PLEKHG5: variants seen among roughly 807,000 people sequenced by gnomAD.
PLEKHG5 encodes pleckstrin homology and RhoGEF domain containing G5.
A neutral mutation model predicts 103.8 loss-of-function variants in PLEKHG5; 52 were observed. The observed-to-expected ratio is 0.50, with a 90% CI of 0.40 to 0.63. The LOEUF is 0.63. PLEKHG5 is among the 30% of genes least tolerant of loss of function. The probability of loss-of-function intolerance (pLI) is 0.00; values close to 1 mark genes in which losing one functional copy is unlikely to be tolerated. For synonymous variants in PLEKHG5, 592 were observed against 575.5 expected, an observed-to-expected ratio of 1.03 and a Z score of -0.41; for missense variants, 1,205 against 1,347.6, an observed-to-expected ratio of 0.89 and a Z score of 1.66.
chr1:6,470,555 C>T lies in PLEKHG5; in HGVS notation c.1631G>A (p.Arg544His), dbSNP rs1255980713. The change falls in exon 15 of 21, where the codon CGC (arginine) becomes CAC (histidine). Residue 544 changes from arginine (R) to histidine (H), a missense_variant. Coordinates refer to ENST00000377728, the MANE Select transcript of PLEKHG5 (RefSeq NM_020631.6). The part of the protein sequence containing the change: ...ERQRLAAVVS[R>H]IDAYEVVESS... ...TTCCACCACCTCGTAGGCGTCGATG[C>T]GGCTCACCACGGCCGCCAGCCGCTG... is the stretch of plus-strand genomic sequence containing the variant. The T allele has an allele frequency of 1.3e-6, 2 of 1,596,872 alleles. No individual in the cohort carries two copies. The highest frequency in any genetic ancestry group is 1.7e-6 in the Non-Finnish European group (2 of 1,177,068).
chr1:6,502,667 T>C (rs1047634197), intron 1 of PLEKHG5, among the ~76,000 whole-genome samples: 1 of 152,174 alleles, frequency 6.6e-6, no homozygotes, highest in African/African-American at 2.4e-5. Context: ...GGAGCGGGGC[T>C]GCAGAAATAG....
chr1:6,504,525 A>G (rs4495729), intron 1 of PLEKHG5, among the ~76,000 whole-genome samples: 3,368 of 151,158 alleles, frequency 0.022, 131 homozygotes, highest in African/African-American at 0.077. Context: ...CCCACCCGGC[A>G]TCGTCCTCTC....
chr1:6,485,946 T>C, intron 1 of PLEKHG5: 1 of 982,308 alleles, frequency 1.0e-6, no homozygotes, highest in Admixed American at 6.1e-5. Context: ...GGGGAGCTCC[T>C]TGAATGCTGG....
chr1:6,470,995 T>C lies in PLEKHG5; in HGVS notation c.1387A>G (p.Ile463Val), dbSNP rs1355559446. The C allele has an allele frequency of 6.2e-7, 1 of 1,601,896 alleles. No homozygotes were observed. Among genetic ancestry groups the C allele is most frequent in the Admixed American group, 1.7e-5 (1 of 59,066 alleles). Reference sequence around the variant, plus strand: ...CACGGCACGCGCGCCCTCACCGTGATGTAGGCCCGGAAGAGGTCGTTGTCG... The same window carrying C: ...CACGGCACGCGCGCCCTCACCGTGACGTAGGCCCGGAAGAGGTCGTTGTCG... ...LRDNDLFRAY[I>V]TWAEKHPQCQ... The change falls in exon 13 of 21, where the codon ATC (isoleucine) becomes GTC (valine). Residue 463 changes from isoleucine (I) to valine (V), a missense_variant. Coordinates refer to ENST00000377728, the MANE Select transcript of PLEKHG5 (RefSeq NM_020631.6).
intron 1 of PLEKHG5, among the ~76,000 whole-genome samples, chr1:6,480,519 C>T (rs1644872053): frequency 7.0e-6 from 1 of 143,574 alleles, no homozygotes; most frequent in Admixed American, 6.8e-5. Flanking sequence ...CAGAGCGAGA[C>T]TTTGTCTCCA....
intron 1 of PLEKHG5, chr1:6,485,986 C>CCCA (rs58406886): frequency 2.5e-6 from 2 of 795,540 alleles, no homozygotes; most frequent in African/African-American, 3.8e-5. Flanking sequence ...CACCCCCCCC[C>CCCA]ACCTTGGAGA....
chr1:6,468,090 T>G lies in PLEKHG5; in HGVS notation c.2746A>C (p.Thr916Pro), dbSNP rs187886272. 354 of 1,584,116 alleles carry G rather than the reference T, an allele frequency of 2.2e-4. No individual in the cohort carries two copies. The highest frequency in any genetic ancestry group is 6.8e-4 in the Middle Eastern group (4 of 5,848). ...CLAVPAPGIR[T>P]QGSPQEAGPS... ...CCAGCTTCCTGAGGGGAGCCCTGAG[T>G]CCTAATACCTGGGGCTGGAACAGCC... Residue 916 changes from threonine (T) to proline (P), a missense_variant, in exon 20 of 21, where the codon ACT becomes CCT. Coordinates refer to ENST00000377728, the MANE Select transcript of PLEKHG5 (RefSeq NM_020631.6).
chr1:6,485,475 C>G, intron 1 of PLEKHG5: 3 of 1,245,720 alleles, frequency 2.4e-6, no homozygotes, highest in Non-Finnish European at 3.0e-6. Flanking sequence ...TCTGCGCCGC[C>G]CGCCGGACAA....
chr1:6,470,300 G>A lies in PLEKHG5; in HGVS notation c.1736C>T (p.Pro579Leu), dbSNP rs757727499. Residue 579 changes from proline to leucine, a missense_variant, in exon 16 of 21, where the codon CCG (proline) becomes CTG (leucine). Transcript: ENST00000377728. ...CAGCAGCAGCTGCCGCGTCTCCTCC[G>A]GGGAGGCGCCAGGGATGGGCGCTGT... Reference protein sequence around the residue: ...DLTAPIPGASPEETRQLLLEG... With the variant: ...DLTAPIPGASLEETRQLLLEG... The A allele has an allele frequency of 6.8e-6, 11 of 1,613,854 alleles. No homozygotes were observed. Among genetic ancestry groups the A allele is most frequent in the Admixed American group, 3.3e-5 (2 of 60,000 alleles).
intron 6 of PLEKHG5, 70 bp from the exon 7 acceptor site, chr1:6,474,234 T>A: frequency 6.4e-7 from 1 of 1,561,014 alleles, no homozygotes. Flanking sequence ...CGGTCCTCTC[T>A]CCCCGGAGGA....
rs772521292 is a variant in PLEKHG5 at position 6,505,543 on chromosome 1, C to T, written c.-164-8974G>A. Among the ~76,000 whole-genome samples, 4 of 152,184 alleles carry T rather than the reference C, an allele frequency of 2.6e-5. No homozygotes were observed. Among genetic ancestry groups the T allele is most frequent in the African/African-American group, 7.2e-5 (3 of 41,444 alleles). On this transcript the variant is annotated intron_variant, in intron 1 of 21. Transcript: ENST00000377740. The surrounding 1 kb of genome is among the most constrained non-coding windows in gnomAD (Gnocchi z 4.2). ...CACAAGCCACGGGGCTCAGCGTCCC[C>T]GAGAGCTCATCCTGCCTCTTCAGGG...
At chr1:6,503,696 C>T (rs1645320802) in intron 1 of PLEKHG5, among the ~76,000 whole-genome samples, 1 of 152,184 alleles carries the variant, frequency 6.6e-6, no homozygotes, top group Non-Finnish European at 1.5e-5. Context: ...AGGCATAAGC[C>T]ACCGTGCCCG....
chr1:6,481,446 G>A (rs908212542), intron 1 of PLEKHG5, among the ~76,000 whole-genome samples: 7 of 151,954 alleles, frequency 4.6e-5, no homozygotes, highest in South Asian at 2.1e-4. Context: ...CAGGAGAATC[G>A]CTTGAATACG....
intron 1 of PLEKHG5, 86 bp from the exon 2 acceptor site, chr1:6,477,744 GAACTGCC>G: frequency 7.1e-7 from 1 of 1,401,012 alleles, no homozygotes; most frequent in Non-Finnish European, 9.6e-7. Flanking sequence ...GACTTAGAAT[GAACTGCC>G]CTCCATCTCT....
chr1:6,504,283 C>T (rs185577935), intron 1 of PLEKHG5, among the ~76,000 whole-genome samples: 148 of 152,300 alleles, frequency 9.7e-4, no homozygotes, highest in African/African-American at 3.2e-3. Context: ...CACTCCTCCT[C>T]ACCCCACCCC....
In PLEKHG5 at chr1:6,468,401, G is replaced by A. The variant is rs145009237; in HGVS notation, c.2435C>T (p.Ser812Phe). The A allele has an allele frequency of 6.8e-6, 11 of 1,611,326 alleles. No individual in the cohort carries two copies. The highest frequency in any genetic ancestry group is 2.2e-5 in the South Asian group (2 of 90,842). Residue 812 changes from serine to phenylalanine, a missense_variant, in exon 20 of 21, where the codon TCC becomes TTC. Ser to Phe is a radical substitution (Grantham distance 155, BLOSUM62 -2). Transcript: ENST00000377728. ...LLPLGPVDGR[S>F]CSMDSAYGTL... ...GCCGTAGGCAGAGTCCATGGAGCAG[G>A]AGCGGCCGTCCACCGGACCCAGGGG...
At chr1:6,474,689 G>GC in intron 5 of PLEKHG5, 102 bp from the exon 6 acceptor site, 1 of 1,116,388 alleles carries the variant, frequency 9.0e-7, no homozygotes, top group African/African-American at 2.2e-5. Context: ...AGCCCCAGCT[G>GC]CCCCCACCTT....
At chr1:6,496,538 C>A, upstream of PLEKHG5, 1 of 1,597,574 alleles carries the variant, frequency 6.3e-7, no homozygotes, top group African/African-American at 1.3e-5. Flanking sequence ...TCTGACAGCG[C>A]AGTCCCTTCT....
Position 6,470,990 on chromosome 1 carries a change from C to G in PLEKHG5, c.1392G>C (p.Thr464=), listed in dbSNP as rs1412619450. ...CCGCCCACGGCACGCGCGCCCTCAC[C>G]GTGATGTAGGCCCGGAAGAGGTCGT... is the stretch of plus-strand genomic sequence containing the variant. ...RDNDLFRAYI[T]WAEKHPQCQR... The change falls in exon 13 of 21, where the codon ACG becomes ACC. Residue 464 remains threonine (T), a splice_region_variant and synonymous_variant. Transcript: ENST00000377728. The G allele has an allele frequency of 6.3e-7, 1 of 1,599,530 alleles. No individual in the cohort carries two copies.
Sources: allele counts gnomAD v4.1 joint callset (sites outside exome capture counted in the v4.1 genomes callset), GRCh38; gene constraint gnomAD v4.1.1; non-coding constraint Gnocchi (gnomAD v3.1); transcripts MANE v1.5; gene names NCBI Gene and HGNC (gene_info 2026-07-23, HGNC 2026-07-21).